PRPSAP1: variants seen among roughly 807,000 people sequenced by gnomAD.
PRPSAP1 encodes the protein phosphoribosyl pyrophosphate synthetase associated protein 1, also known as phosphoribosyl pyrophosphate synthase-associated protein 1.
Under a neutral mutation model 39.4 loss-of-function variants are expected in PRPSAP1, and 31 were observed. The ratio of observed to expected loss-of-function variants is 0.79; its 90% CI spans 0.59 to 1.06. The LOEUF is 1.06. PRPSAP1 is among the 50% of genes least tolerant of loss of function. The pLI is 0.00. For synonymous variants in PRPSAP1, 212 were observed against 192.6 expected, an observed-to-expected ratio of 1.10 and a Z score of -0.83; for missense variants, 430 against 511.6, an observed-to-expected ratio of 0.84 and a Z score of 1.54.
At chr17:76,351,369 G>T (rs1598546704) in intron 1 of PRPSAP1, among the ~76,000 whole-genome samples, 1 of 152,122 alleles carries the variant, frequency 6.6e-6, no homozygotes, top group Non-Finnish European at 1.5e-5. Context: ...CAAAAAATTA[G>T]CTGTGCGAGG....
At chr17:76,321,238 C>A (rs116501268) in intron 7 of PRPSAP1, among the ~76,000 whole-genome samples, 232 of 152,072 alleles carry the variant, frequency 1.5e-3, no homozygotes, top group African/African-American at 4.8e-3. Context: ...TGTTTTGGGG[C>A]AGCATGAACC....
intron 9 of PRPSAP1, 118 bp from the exon 10 acceptor site, chr17:76,311,818 C>T (rs1267514422): frequency 1.7e-6 from 2 of 1,188,468 alleles, no homozygotes; most frequent in African/African-American, 1.6e-5. Flanking sequence ...ACTACAAAAC[C>T]TTGTTCCACC....
At chr17:76,333,670 C>CAA (rs11380786) in intron 3 of PRPSAP1, among the ~76,000 whole-genome samples, 29 of 150,322 alleles carry the variant, frequency 1.9e-4, no homozygotes, top group Middle Eastern at 3.4e-3. Flanking sequence ...ACAAAACAAA[C>CAA]AAAAAAAAAC....
chr17:76,332,522 G>T lies in PRPSAP1; in HGVS notation c.291-87C>A. The T allele has an allele frequency of 2.8e-6, 4 of 1,442,612 alleles. No individual in the cohort carries two copies. In the South Asian group the frequency reaches 3.8e-5, roughly 14 times the overall value. The allele number at this position is 1,442,612 out of a possible 1,614,324, so 89.4% of individuals were successfully genotyped here. On this transcript the variant is annotated intron_variant, in intron 3 of 9. Coordinates refer to ENST00000446526, the MANE Select transcript of PRPSAP1 (RefSeq NM_002766.3). ...TGACTTTATCAACTTAACATGGGCT[G>T]CCCAGATGGGTGTTGTGGGAATTTT... is the stretch of plus-strand genomic sequence containing the variant.
chr17:76,333,321 G>A (rs1440037567), intron 3 of PRPSAP1, among the ~76,000 whole-genome samples: 1 of 152,092 alleles, frequency 6.6e-6, no homozygotes, highest in East Asian at 1.9e-4. Context: ...TGTTGGTCAG[G>A]CTGGTCTCGA....
intron 7 of PRPSAP1, among the ~76,000 whole-genome samples, chr17:76,324,812 A>T (rs2071234508): frequency 1.3e-5 from 2 of 151,872 alleles, no homozygotes; most frequent in Non-Finnish European, 2.9e-5. Flanking sequence ...CTGTAATCCC[A>T]GCACTTTGGG....
intron 7 of PRPSAP1, among the ~76,000 whole-genome samples, chr17:76,324,674 C>T (rs8074286): frequency 0.011 from 1,672 of 151,952 alleles, 33 homozygotes; most frequent in African/African-American, 0.039. Context: ...AGTCAATCAA[C>T]GAGGCAAACT....
chr17:76,330,330 A>G, intron 5 of PRPSAP1: 2 of 602,704 alleles, frequency 3.3e-6, no homozygotes, highest in Non-Finnish European at 5.7e-6. Context: ...TTTAGAAAAC[A>G]TAAGCAAATT....
At chr17:76,324,457 A>G (rs1479950886) in intron 7 of PRPSAP1, among the ~76,000 whole-genome samples, 1 of 151,906 alleles carries the variant, frequency 6.6e-6, no homozygotes, top group Non-Finnish European at 1.5e-5. Flanking sequence ...AAAATTAGCC[A>G]GGTGTGGTGA....
rs1305396569 is a variant in PRPSAP1, at chr17:76,353,689, C to T, written c.15G>A (p.Leu5=). 1 of 1,498,626 alleles carries T rather than the reference C, an allele frequency of 6.7e-7. No individual in the cohort carries two copies. The highest frequency in any genetic ancestry group is 1.3e-5 in the South Asian group (1 of 78,496). 92.8% of individuals were successfully genotyped at this position (1,498,626 alleles called of 1,614,324 possible). ...ACGCGGAGGGCGGGGGCAACAGCAG[C>T]AGCTTCTTGGGCATCGTCCGGCCCG... MPKK[L]LLLPPPSASS... is the part of the protein sequence containing the mutation. Residue 5 remains leucine (L), a synonymous_variant, in exon 1 of 10, where the codon CTG becomes CTA. Coordinates refer to ENST00000446526, the MANE Select transcript of PRPSAP1 (RefSeq NM_002766.3).
chr17:76,346,475 A>C (rs2071501917), intron 2 of PRPSAP1, among the ~76,000 whole-genome samples: 1 of 152,160 alleles, frequency 6.6e-6, no homozygotes, highest in South Asian at 2.1e-4. Flanking sequence ...TAAATCCCTT[A>C]AAGCCAGACA....
At chr17:76,325,295 G>C (rs1466925153) in intron 7 of PRPSAP1, among the ~76,000 whole-genome samples, 1 of 149,226 alleles carries the variant, frequency 6.7e-6, no homozygotes, top group African/African-American at 2.5e-5. Context: ...TGTAGTCCCA[G>C]CTATTCGGGA....
At chr17:76,314,167 A>C in intron 7 of PRPSAP1, 1 of 438,898 alleles carries the variant, frequency 2.3e-6, no homozygotes, top group South Asian at 2.4e-5. Context: ...GCAATTCCCA[A>C]AATATTATAA....
intron 1 of PRPSAP1, among the ~76,000 whole-genome samples, chr17:76,352,630 G>A (rs2071587757): frequency 8.0e-6 from 1 of 125,116 alleles, no homozygotes; most frequent in Non-Finnish European, 1.6e-5. Flanking sequence ...GGGTGACAGA[G>A]CGAGACTCCG....
At chr17:76,345,671 G>C (rs1002546953) in intron 2 of PRPSAP1, 1 of 161,170 alleles carries the variant, frequency 6.2e-6, no homozygotes, top group Non-Finnish European at 1.3e-5. Context: ...GAAACATTTG[G>C]AGGGAGTAAA....
intron 1 of PRPSAP1, among the ~76,000 whole-genome samples, chr17:76,351,388 G>A (rs1034747921): frequency 1.3e-5 from 2 of 152,176 alleles, no homozygotes; most frequent in African/African-American, 2.4e-5. Context: ...GGTGGCGGGG[G>A]CCTGTAGTCC....
intron 3 of PRPSAP1, among the ~76,000 whole-genome samples, chr17:76,333,822 A>G (rs2071351058): frequency 6.6e-6 from 1 of 152,180 alleles, no homozygotes; most frequent in Non-Finnish European, 1.5e-5. Flanking sequence ...AGCTTTTGCC[A>G]AGGATAATCA....
At chr17:76,338,680 G>A (rs773650613) in intron 3 of PRPSAP1, among the ~76,000 whole-genome samples, 11 of 151,716 alleles carry the variant, frequency 7.3e-5, no homozygotes, top group Non-Finnish European at 1.2e-4. Flanking sequence ...TCCAACCTGG[G>A]CAACACAGCA....
At chr17:76,344,602 T>C in intron 3 of PRPSAP1, 69 bp downstream of exon 3, 2 of 1,257,630 alleles carry the variant, frequency 1.6e-6, no homozygotes, top group Non-Finnish European at 2.3e-6. Context: ...TTGTTGTTCA[T>C]ATGAAAAGAT....
Sources: gnomAD v4.1 joint callset for allele counts (sites outside exome capture counted in the v4.1 genomes callset) on GRCh38, gnomAD v4.1.1 for gene constraint, MANE v1.5 for transcripts, NCBI Gene and HGNC (gene_info 2026-07-23, HGNC 2026-07-21) for gene names.